GRB10: variants seen among roughly 807,000 people sequenced by gnomAD.
GRB10 encodes growth factor receptor bound protein 10, also known as growth factor receptor-bound protein 10.
Under a neutral mutation model 80.9 loss-of-function variants are expected in GRB10, and 20 were observed. The ratio of observed to expected loss-of-function variants is 0.25; its 90% CI spans 0.17 to 0.36. The LOEUF (loss-of-function observed/expected upper bound fraction) is 0.36, where lower values mean the gene tolerates loss of function less well. Among genes scored for constraint, GRB10 ranks in the 10% least tolerant of loss-of-function variants. GRB10 has a pLI of 1.00. For missense variants in GRB10, 548 were observed against 747.7 expected, an observed-to-expected ratio of 0.73 and a Z score of 3.12; for synonymous variants, 291 against 291.5, an observed-to-expected ratio of 1.00 and a Z score of 0.02.
intron 4 of GRB10, among the ~76,000 whole-genome samples, chr7:50,731,427 G>A (rs1440105125): frequency 6.6e-6 from 1 of 152,024 alleles, no homozygotes; most frequent in Non-Finnish European, 1.5e-5. Context: ...GTTCAAAGAA[G>A]TGCAAAAAGC....
intron 14 of GRB10, among the ~76,000 whole-genome samples, chr7:50,606,123 G>A (rs2048472994): frequency 6.6e-6 from 1 of 152,202 alleles, no homozygotes; most frequent in Admixed American, 6.5e-5. Context: ...GAGATGCAGG[G>A]ACGGGAGAAG....
At position 50,791,188 on chromosome 7, in the gene GRB10, C is replaced by T. The variant is rs192699082; in HGVS notation, c.-294+2036G>A. The stretch of plus-strand genomic sequence containing the variant: ...ACACAACTTTTCTAATTACAGTAAA[C>T]ATAACTACCACATCAAAACTCATGA... On this transcript the variant is annotated intron_variant, in intron 1 of 16. Transcript: ENST00000335866. Among the ~76,000 whole-genome samples the T allele has an allele frequency of 1.2e-4, 19 of 152,320 alleles. No homozygotes were observed. The East Asian group carries it at 3.7e-3, about 29-fold the overall frequency.
chr7:50,710,927 C>G (rs2065799879), intron 4 of GRB10: 1 of 1,612,078 alleles, frequency 6.2e-7, no homozygotes, highest in South Asian at 1.1e-5. Context: ...CTCTCTCCCT[C>G]TCTCTACAGT....
intron 4 of GRB10, chr7:50,705,406 G>T: frequency 4.0e-6 from 2 of 496,992 alleles, no homozygotes; most frequent in Non-Finnish European, 5.2e-6. Context: ...CCTTTCAAAA[G>T]AAATAGCTTT....
chr7:50,683,649 A>G (rs2061780396), intron 5 of GRB10, among the ~76,000 whole-genome samples: 1 of 152,206 alleles, frequency 6.6e-6, no homozygotes, highest in South Asian at 2.1e-4. Flanking sequence ...AGGCAGGAGA[A>G]TCGCTTGAAC....
intron 3 of GRB10, among the ~76,000 whole-genome samples, chr7:50,735,881 A>G (rs1174728972): frequency 6.6e-6 from 1 of 152,148 alleles, no homozygotes; most frequent in Non-Finnish European, 1.5e-5. Flanking sequence ...AAAAAACAAA[A>G]CAGAACAAAA....
intron 4 of GRB10, among the ~76,000 whole-genome samples, chr7:50,712,345 A>G (rs1352019661): frequency 6.6e-6 from 1 of 152,244 alleles, no homozygotes; most frequent in African/African-American, 2.4e-5. Context: ...TCCTTAAACA[A>G]AAACAAGAGC....
intron 4 of GRB10, 80 bp from the exon 5 acceptor site, chr7:50,703,988 C>T: frequency 2.2e-6 from 2 of 915,200 alleles, no homozygotes; most frequent in South Asian, 2.7e-5. Context: ...GCTTCCCCAG[C>T]ATTTCCTTTC....
At chr7:50,686,799 G>A (rs2062152923) in intron 5 of GRB10, among the ~76,000 whole-genome samples, 1 of 152,180 alleles carries the variant, frequency 6.6e-6, no homozygotes, top group African/African-American at 2.4e-5. Flanking sequence ...AGAAGAAACT[G>A]AGGCACCCAA....
At chr7:50,624,287 C>A (rs906762247) in intron 8 of GRB10, among the ~76,000 whole-genome samples, 1 of 152,176 alleles carries the variant, frequency 6.6e-6, no homozygotes, top group Non-Finnish European at 1.5e-5. Flanking sequence ...GTTGGAGGGC[C>A]AGAAGGGCCC....
At chr7:50,792,765 G>C in intron 1 of GRB10, 1 of 229,338 alleles carries the variant, frequency 4.4e-6, no homozygotes, top group Non-Finnish European at 8.3e-6. Context: ...CGCGCAGTCG[G>C]AGCACCCGGG....
chr7:50,760,116 A>C (rs1322642250), intron 2 of GRB10, among the ~76,000 whole-genome samples: 1 of 152,222 alleles, frequency 6.6e-6, no homozygotes, highest in South Asian at 2.1e-4. Flanking sequence ...GCAGACCAGA[A>C]GCACAGGGAG....
intron 7 of GRB10, among the ~76,000 whole-genome samples, chr7:50,657,428 T>C (rs2058753618): frequency 6.6e-6 from 1 of 152,142 alleles, no homozygotes; most frequent in South Asian, 2.1e-4. Context: ...CCTTCCAGGA[T>C]TCTGCAGAGA....
chr7:50,750,672 G>A (rs1274341961), intron 3 of GRB10, among the ~76,000 whole-genome samples: 1 of 152,186 alleles, frequency 6.6e-6, no homozygotes, highest in Non-Finnish European at 1.5e-5. Context: ...CATCTGTGAA[G>A]TCAAACAGCC....
chr7:50,730,980 C>A (rs1168503606), intron 4 of GRB10, among the ~76,000 whole-genome samples: 2 of 152,110 alleles, frequency 1.3e-5, no homozygotes, highest in Admixed American at 1.3e-4. Flanking sequence ...GCAGTCGGGC[C>A]CGGACAACTA....
chr7:50,781,825 C>T (rs2078312982), intron 1 of GRB10, among the ~76,000 whole-genome samples: 1 of 152,236 alleles, frequency 6.6e-6, no homozygotes, highest in African/African-American at 2.4e-5. Flanking sequence ...GAACCCCATG[C>T]CCACATCTTC....
chr7:50,755,935 G>A lies in GRB10; in HGVS notation c.-95C>T, dbSNP rs1034809464. On this transcript the variant is annotated 5_prime_UTR_variant, in exon 3 of 19. Coordinates refer to ENST00000401949, the MANE Select transcript of GRB10 (RefSeq NM_001350814.2). ...ACTGTCTGCTGGGGCGGCCACCCTG[G>A]CTTCACTGAGAGGACCCAGGTGAGG... 1.0e-5 allele frequency: 4 copies of A among 398,682 alleles called. No individual in the cohort carries two copies. The highest frequency in any genetic ancestry group is 1.8e-5 in the Non-Finnish European group (4 of 226,240). 24.7% of individuals were successfully genotyped at this position (398,682 alleles called of 1,614,324 possible). A position where few individuals can be genotyped will look rare whatever the true frequency, so the allele number is the denominator to read the frequency against.
At chr7:50,727,712 A>G (rs966326257) in intron 4 of GRB10, 12 of 136,270 alleles carry the variant, frequency 8.8e-5, no homozygotes, top group African/African-American at 3.5e-4. Flanking sequence ...AATTTACATA[A>G]GTATCGCACA....
At chr7:50,779,250 A>C (rs1156743718) in intron 2 of GRB10, 1 of 152,188 alleles carries the variant, frequency 6.6e-6, no homozygotes, top group African/African-American at 2.4e-5. Flanking sequence ...AACTGCAAGC[A>C]TAACACCTGG....
Sources: allele counts gnomAD v4.1 joint callset (sites outside exome capture counted in the v4.1 genomes callset), GRCh38; gene constraint gnomAD v4.1.1; transcripts MANE v1.5; gene names NCBI Gene and HGNC (gene_info 2026-07-23, HGNC 2026-07-21).